Variants in ZNF277 observed in about 807,000 individuals in gnomAD.
ZNF277 encodes the protein zinc finger protein 277.
Under a neutral mutation model 60.7 loss-of-function variants are expected in ZNF277, and 55 were observed. The ratio of observed to expected loss-of-function variants is 0.91; its 90% CI spans 0.73 to 1.13. The LOEUF (loss-of-function observed/expected upper bound fraction) is 1.13, where lower values mean the gene tolerates loss of function less well. Ranked by LOEUF, ZNF277 falls within the 50% of genes most tolerant of loss-of-function variation. The pLI is 0.00. For synonymous variants in ZNF277, 178 were observed against 179.3 expected (o/e 0.99, Z 0.06); for missense variants, 510 against 523.0 (o/e 0.98, Z 0.24).
At chr7:112,340,735 A>G (rs896811251) in intron 10 of ZNF277, 137 bp from the exon 11 acceptor site, 3 of 658,682 alleles carry the variant, frequency 4.6e-6, no homozygotes, top group Non-Finnish European at 7.7e-6. Flanking sequence ...ATTATTTGGT[A>G]TCTATTATTA....
At chr7:112,212,033 T>G (rs934168232) in intron 1 of ZNF277, among the ~76,000 whole-genome samples, 1 of 152,236 alleles carries the variant, frequency 6.6e-6, no homozygotes, top group African/African-American at 2.4e-5. Flanking sequence ...TTTATGCTTG[T>G]GAAAGGTATG....
intron 1 of ZNF277, among the ~76,000 whole-genome samples, chr7:112,254,531 G>A (rs978309218): frequency 1.3e-5 from 2 of 152,088 alleles, no homozygotes; most frequent in Non-Finnish European, 2.9e-5. Context: ...GTTTTTTATG[G>A]CCTCTAAGTT....
intron 1 of ZNF277, among the ~76,000 whole-genome samples, chr7:112,222,873 C>A (rs1822070172): frequency 6.6e-6 from 1 of 152,096 alleles, no homozygotes; most frequent in Non-Finnish European, 1.5e-5. Flanking sequence ...TGGGTGGGTA[C>A]CATCTGATCA....
At chr7:112,324,506 A>G (rs1793055520) in intron 5 of ZNF277, among the ~76,000 whole-genome samples, 1 of 152,226 alleles carries the variant, frequency 6.6e-6, no homozygotes, top group African/African-American at 2.4e-5. Context: ...TGGCTGATCA[A>G]GAATTAAAGG....
chr7:112,242,716 T>G (rs1429624196), intron 1 of ZNF277, among the ~76,000 whole-genome samples: 1 of 152,026 alleles, frequency 6.6e-6, no homozygotes, highest in Non-Finnish European at 1.5e-5. Context: ...ATTAAAAGAA[T>G]CCATATCATT....
intron 1 of ZNF277, among the ~76,000 whole-genome samples, chr7:112,286,576 T>C (rs896256246): frequency 3.3e-5 from 5 of 152,188 alleles, no homozygotes; most frequent in African/African-American, 1.2e-4. Context: ...TTGCTGCCAT[T>C]GGCCAGTGTC....
rs1792077390 is a variant in ZNF277 at position 112,286,859 on chromosome 7, T to TTTTTTTTTTTG, written c.92-13_92-12insTTTTTTTTTGT. Reference sequence around the variant, plus strand: ...TTTCTTTCTTTTTTTTTTTTTTTTTTTGGTCTATTCCAGACAGTAAGGATT... The same window carrying TTTTTTTTTTTG: ...TTTCTTTCTTTTTTTTTTTTTTTTTTTTTTTTTTTTGTGGTCTATTCCAGACAGTAAGGATT... On this transcript the variant is annotated splice_polypyrimidine_tract_variant and intron_variant, in intron 1 of 11. Transcript: ENST00000361822. 1 of 1,443,902 alleles carries TTTTTTTTTTTG rather than the reference T, an allele frequency of 6.9e-7. No homozygotes were observed. The highest frequency in any genetic ancestry group is 9.2e-7 in the Non-Finnish European group (1 of 1,084,154). The allele number at this position is 1,443,902 out of a possible 1,614,324, so 89.4% of individuals were successfully genotyped here.
intron 6 of ZNF277, among the ~76,000 whole-genome samples, chr7:112,329,210 A>G (rs149705824): frequency 1.8e-4 from 28 of 152,326 alleles, no homozygotes; most frequent in African/African-American, 6.7e-4. Flanking sequence ...AACAGATTGC[A>G]ATCATTTGAG....
At chr7:112,226,273 AT>A (rs1220425430) in intron 1 of ZNF277, among the ~76,000 whole-genome samples, 1 of 152,172 alleles carries the variant, frequency 6.6e-6, no homozygotes, top group Non-Finnish European at 1.5e-5. Flanking sequence ...GAAAATAAAT[AT>A]AGGATGCCAA....
chr7:112,230,888 A>G (rs1296076434), intron 1 of ZNF277, among the ~76,000 whole-genome samples: 2 of 152,132 alleles, frequency 1.3e-5, no homozygotes, highest in Admixed American at 1.3e-4. Flanking sequence ...CTCATTTAGG[A>G]TTTGGGATAG....
At chr7:112,296,075 T>G in intron 3 of ZNF277, 118 bp downstream of exon 3, 2 of 1,024,604 alleles carry the variant, frequency 2.0e-6, no homozygotes, top group Non-Finnish European at 3.0e-6. Flanking sequence ...TAAATTGATG[T>G]GTTTATTTTG....
chr7:112,306,403 T>C (rs930614293), intron 4 of ZNF277, among the ~76,000 whole-genome samples: 2 of 151,942 alleles, frequency 1.3e-5, no homozygotes, highest in African/African-American at 4.8e-5. Context: ...TTAGTATAGA[T>C]GGGGTTTCAC....
intron 1 of ZNF277, among the ~76,000 whole-genome samples, chr7:112,238,166 A>G (rs1317660056): frequency 2.0e-5 from 3 of 152,220 alleles, no homozygotes; most frequent in African/African-American, 7.2e-5. Flanking sequence ...TGAATAGAAT[A>G]GGAAAGACAG....
intron 1 of ZNF277, among the ~76,000 whole-genome samples, chr7:112,257,898 C>G (rs1426127508): frequency 2.0e-5 from 3 of 151,920 alleles, no homozygotes; most frequent in Non-Finnish European, 4.4e-5. Context: ...ACAGCAACCC[C>G]GAACTCCTAG....
intron 1 of ZNF277, among the ~76,000 whole-genome samples, chr7:112,216,200 G>A (rs981473560): frequency 7.2e-5 from 11 of 152,226 alleles, no homozygotes; most frequent in Admixed American, 6.5e-4. Flanking sequence ...AATGTACTGC[G>A]ACATTGAGTT....
At chr7:112,268,900 A>G (rs2117035135) in intron 1 of ZNF277, among the ~76,000 whole-genome samples, 1 of 152,186 alleles carries the variant, frequency 6.6e-6, no homozygotes, top group Admixed American at 6.6e-5. Context: ...TTTAATCTAG[A>G]TTTTTGAGGA....
intron 1 of ZNF277, among the ~76,000 whole-genome samples, chr7:112,257,791 TTAATTTA>T (rs1383782099): frequency 1.8e-4 from 27 of 152,060 alleles, no homozygotes; most frequent in Non-Finnish European, 7.4e-5. Flanking sequence ...TTTTTAATTT[TTAATTTA>T]TATTATTTTA....
At chr7:112,327,363 G>A (rs542044376) in intron 5 of ZNF277, among the ~76,000 whole-genome samples, 31 of 152,268 alleles carry the variant, frequency 2.0e-4, no homozygotes, top group African/African-American at 6.5e-4. Flanking sequence ...GACAGGAGGC[G>A]GAGCGCAGGT....
intron 8 of ZNF277, 141 bp from the exon 9 acceptor site, chr7:112,337,589 G>A (rs1793357783): frequency 3.6e-6 from 2 of 562,510 alleles, no homozygotes; most frequent in Non-Finnish European, 6.2e-6. Context: ...ATAATATGAT[G>A]TGACAGTCTT....
Sources: allele counts gnomAD v4.1 joint callset (sites outside exome capture counted in the v4.1 genomes callset), GRCh38; gene constraint gnomAD v4.1.1; transcripts MANE v1.5; gene names NCBI Gene and HGNC (gene_info 2026-07-23, HGNC 2026-07-21).